The following PDE10A variants were observed in gnomAD, a reference collection of about 807,000 sequenced individuals.
The protein encoded by PDE10A is phosphodiesterase 10A, also known as cAMP and cAMP-inhibited cGMP 3',5'-cyclic phosphodiesterase 10A.
In PDE10A, 39 loss-of-function variants were observed where a neutral mutation model predicts 97.7. The observed-to-expected ratio is 0.40, with a 90% CI of 0.31 to 0.52. The LOEUF is 0.52. Ranked by LOEUF, PDE10A falls within the 20% of genes least tolerant of loss-of-function variation. The pLI is 0.56. For missense variants in PDE10A, 731 were observed against 1,047.8 expected, an observed-to-expected ratio of 0.70 and a Z score of 4.17; for synonymous variants, 371 against 376.8, an observed-to-expected ratio of 0.98 and a Z score of 0.18.
intron 1 of PDE10A, among the ~76,000 whole-genome samples, chr6:165,680,490 T>A (rs1193214278): frequency 6.6e-6 from 1 of 152,262 alleles, no homozygotes; most frequent in African/African-American, 2.4e-5. Context: ...GTCTTGTTTA[T>A]ATAAATTGAC....
rs551360503 is a variant in PDE10A at position 165,817,922 on chromosome 6, A to G, written c.-615+169607T>C. Among the ~76,000 whole-genome samples, 13 of 152,244 alleles carry G rather than the reference A, an allele frequency of 8.5e-5. No individual in the cohort carries two copies. The South Asian group carries it at 2.7e-3, about 32-fold the overall frequency. On this transcript the variant is annotated intron_variant, in intron 1 of 19. Transcript: ENST00000366882. Reference sequence around the variant, plus strand: ...ATGAAGGGCAGAGCAAGCCTATCTGACCCTACCTGCCTCACATCCTAGAAG... The same window carrying G: ...ATGAAGGGCAGAGCAAGCCTATCTGGCCCTACCTGCCTCACATCCTAGAAG...
chr6:165,823,245 GC>G (rs1241582858), intron 1 of PDE10A, among the ~76,000 whole-genome samples: 3 of 136,078 alleles, frequency 2.2e-5, no homozygotes, highest in African/African-American at 7.7e-5. Context: ...TATTCTATAA[GC>G]TTTTTCCTAT....
rs115656922 is a variant in PDE10A, at chr6:165,616,034, T to A, written c.865+45913A>T. ...TTCTTCTTTCAGTTTTATGCCCAAT[T>A]TACAGTTTGCAAGTACTGACTTCCC... On this transcript the variant is annotated intron_variant, in intron 1 of 21. Transcript: ENST00000539869. Among the ~76,000 whole-genome samples, 1,471 of 152,298 alleles carry A rather than the reference T, an allele frequency of 9.7e-3. 20 individuals are homozygous for A. Among genetic ancestry groups the A allele is most frequent in the African/African-American group, 0.033 (1,385 of 41,554 alleles).
At chr6:165,482,010 G>A (rs1239490018) in intron 3 of PDE10A, among the ~76,000 whole-genome samples, 1 of 152,138 alleles carries the variant, frequency 6.6e-6, no homozygotes, top group African/African-American at 2.4e-5. Flanking sequence ...CTGGTTCAAG[G>A]GAAGCCAGAA....
intron 18 of PDE10A, among the ~76,000 whole-genome samples, chr6:165,362,264 G>A (rs964786300): frequency 6.6e-6 from 1 of 151,982 alleles, no homozygotes; most frequent in Admixed American, 6.6e-5. Flanking sequence ...TATTTGAAAA[G>A]ATCAACAAAA....
chr6:165,633,079 C>CA (rs5881651), intron 1 of PDE10A, among the ~76,000 whole-genome samples: 3,647 of 137,108 alleles, frequency 0.027, 148 homozygotes, highest in African/African-American at 0.088. Context: ...GTCACCGTGT[C>CA]AAAAAAAAAA....
intron 1 of PDE10A, among the ~76,000 whole-genome samples, chr6:165,921,832 G>A (rs1344346891): frequency 6.6e-6 from 1 of 152,188 alleles, no homozygotes; most frequent in Non-Finnish European, 1.5e-5. Flanking sequence ...AAAGAGACTG[G>A]CTTTCCCTTT....
intron 2 of PDE10A, among the ~76,000 whole-genome samples, chr6:165,496,650 C>T (rs1036101179): frequency 1.3e-5 from 2 of 152,148 alleles, no homozygotes; most frequent in Non-Finnish European, 2.9e-5. Context: ...AATTTCTTGA[C>T]AATAAGAGAC....
At chr6:165,462,643 C>T (rs1430423019) in intron 3 of PDE10A, among the ~76,000 whole-genome samples, 1 of 152,108 alleles carries the variant, frequency 6.6e-6, no homozygotes, top group Non-Finnish European at 1.5e-5. Context: ...GAGCAACACC[C>T]GTCAAACACA....
At chr6:165,744,569 AT>A (rs149786182) in intron 1 of PDE10A, among the ~76,000 whole-genome samples, 11,816 of 151,498 alleles carry the variant, frequency 0.078, 636 homozygotes, top group Non-Finnish European at 0.11. Context: ...CAGAGAACTA[AT>A]TTTTTTTTCA....
intron 1 of PDE10A, among the ~76,000 whole-genome samples, chr6:165,656,801 TCTCA>T (rs1188102515): frequency 1.8e-4 from 27 of 152,184 alleles, no homozygotes; most frequent in African/African-American, 5.8e-4. Flanking sequence ...GCCGTCTGGT[TCTCA>T]CTGTCTGCAG....
At chr6:165,950,929 T>A (rs1476881217) in intron 1 of PDE10A, among the ~76,000 whole-genome samples, 1 of 152,214 alleles carries the variant, frequency 6.6e-6, no homozygotes, top group Admixed American at 6.5e-5. Flanking sequence ...ATAAAGAACA[T>A]GTGTCCTCTT....
At position 165,655,854 on chromosome 6, in the gene PDE10A, C is replaced by A. The variant is rs1254291373; in HGVS notation, c.865+6093G>T. 1.3e-5 allele frequency among the ~76,000 whole-genome samples: 2 copies of A among 152,092 alleles called. No homozygotes were observed. The highest frequency in any genetic ancestry group is 2.9e-5 in the Non-Finnish European group (2 of 68,020). On this transcript the variant is annotated intron_variant, in intron 1 of 21. Coordinates refer to ENST00000539869, the MANE Select transcript of PDE10A (RefSeq NM_001385079.1). This position sits in a 1 kb window ranked among gnomAD's most constrained non-coding sequence, Gnocchi z 4.5. ...CACTGCCTGGTGGGCTCAGCTCCAG[C>A]ACGGCCGTCACCCCGCTCCTCTGCC...
chr6:165,602,390 TC>T (rs1442463112), intron 1 of PDE10A, among the ~76,000 whole-genome samples: 1 of 152,146 alleles, frequency 6.6e-6, no homozygotes, highest in African/African-American at 2.4e-5. Context: ...CTTCGGTCTC[TC>T]TCGGGGAACT....
chr6:165,493,043 C>G (rs1015298388), intron 2 of PDE10A, among the ~76,000 whole-genome samples: 1 of 152,088 alleles, frequency 6.6e-6, no homozygotes, highest in Non-Finnish European at 1.5e-5. Flanking sequence ...ACACCAACAG[C>G]GACCAAGCTG....
chr6:165,487,974 A>G (rs1780013933), intron 2 of PDE10A, among the ~76,000 whole-genome samples: 2 of 150,962 alleles, frequency 1.3e-5, no homozygotes, highest in East Asian at 1.9e-4. Flanking sequence ...AACATGGAAA[A>G]GAAGAAAATT....
At chr6:165,650,261 T>G (rs1789611730) in intron 1 of PDE10A, among the ~76,000 whole-genome samples, 1 of 152,190 alleles carries the variant, frequency 6.6e-6, no homozygotes, top group African/African-American at 2.4e-5. Context: ...GAAATTTAAT[T>G]TTTGAATGGG....
chr6:165,439,608 G>A (rs1790284761), intron 5 of PDE10A, among the ~76,000 whole-genome samples: 1 of 152,198 alleles, frequency 6.6e-6, no homozygotes. Context: ...AGTCCTAGGG[G>A]AGGAATCAGC....
chr6:165,784,026 T>G (rs1367771653), intron 1 of PDE10A, among the ~76,000 whole-genome samples: 1 of 152,020 alleles, frequency 6.6e-6, no homozygotes, highest in Non-Finnish European at 1.5e-5. Context: ...AAGACCAGCC[T>G]GGCCATCATG....
Sources: allele counts gnomAD v4.1 joint callset (sites outside exome capture counted in the v4.1 genomes callset), GRCh38; gene constraint gnomAD v4.1.1; non-coding constraint Gnocchi (gnomAD v3.1); transcripts MANE v1.5; gene names NCBI Gene and HGNC (gene_info 2026-07-23, HGNC 2026-07-21).